The following ERI3 variants were observed in gnomAD, a reference collection of about 807,000 sequenced individuals.
The protein encoded by ERI3 is ERI1 exoribonuclease 3.
A neutral mutation model predicts 44.4 loss-of-function variants in ERI3; 18 were observed. The ratio of observed to expected loss-of-function variants is 0.41; its 90% CI spans 0.28 to 0.60. The LOEUF is 0.60. ERI3 is among the 20% of genes least tolerant of loss of function. The pLI is 0.36. For missense variants in ERI3, 294 were observed against 435.5 expected (o/e 0.68, Z 2.89); for synonymous variants, 183 against 164.8 (o/e 1.11, Z -0.84).
Position 44,355,064 on chromosome 1 carries a change from C to A in ERI3, c.-38G>T. The A allele has an allele frequency of 7.5e-7, 1 of 1,333,086 alleles. No homozygotes were observed. Among genetic ancestry groups the A allele is most frequent in the Non-Finnish European group, 9.6e-7 (1 of 1,037,392 alleles). 82.6% of individuals were successfully genotyped at this position (1,333,086 alleles called of 1,614,324 possible). A position where few individuals can be genotyped will look rare whatever the true frequency, so the allele number is the denominator to read the frequency against. ...TCCTCGGGGCCAGCGCGGCAGGCTC[C>A]CTCCAGGTGCAGGCCCCGACGTCTC... On this transcript the variant is annotated 5_prime_UTR_variant, in exon 1 of 9. Transcript: ENST00000372257.
At chr1:44,311,714 C>T (rs553828558) in intron 5 of ERI3, among the ~76,000 whole-genome samples, 10 of 152,176 alleles carry the variant, frequency 6.6e-5, no homozygotes, top group African/African-American at 2.4e-4. Flanking sequence ...TATCTTCCTC[C>T]AGGATCCCAG....
chr1:44,346,194 A>C (rs570522345), intron 2 of ERI3, among the ~76,000 whole-genome samples: 4 of 152,336 alleles, frequency 2.6e-5, no homozygotes, highest in Non-Finnish European at 5.9e-5. Flanking sequence ...TTCTGCTCCA[A>C]GGCACAGCTA....
intron 3 of ERI3, among the ~76,000 whole-genome samples, chr1:44,338,403 C>T (rs1363368761): frequency 1.3e-5 from 2 of 152,162 alleles, no homozygotes; most frequent in African/African-American, 4.8e-5. Flanking sequence ...TAAGATAGCT[C>T]ATTCTCATGA....
At chr1:44,233,605 C>T (rs1644237447) in intron 8 of ERI3, among the ~76,000 whole-genome samples, 1 of 152,108 alleles carries the variant, frequency 6.6e-6, no homozygotes, top group South Asian at 2.1e-4. Context: ...CATCCCTCCA[C>T]TCCAGCTGGG....
intron 6 of ERI3, among the ~76,000 whole-genome samples, chr1:44,287,605 T>C (rs780055718): frequency 2.6e-5 from 4 of 152,176 alleles, no homozygotes; most frequent in South Asian, 2.1e-4. Flanking sequence ...GGTATCCAGA[T>C]AGATGTGCCC....
chr1:44,337,772 C>G (rs931833544), intron 3 of ERI3, among the ~76,000 whole-genome samples: 3 of 152,154 alleles, frequency 2.0e-5, no homozygotes, highest in African/African-American at 7.2e-5. Context: ...CCTGAAAAAA[C>G]CAACCATGAC....
intron 2 of ERI3, among the ~76,000 whole-genome samples, chr1:44,347,758 T>A (rs1299799933): frequency 7.1e-6 from 1 of 141,190 alleles, no homozygotes; most frequent in Non-Finnish European, 1.5e-5. Flanking sequence ...GCAGTATAGG[T>A]GAATGTGTGC....
intron 4 of ERI3, among the ~76,000 whole-genome samples, chr1:44,319,143 A>G (rs1646148541): frequency 6.6e-6 from 1 of 152,250 alleles, no homozygotes; most frequent in Non-Finnish European, 1.5e-5. Flanking sequence ...TGCTTCACTG[A>G]GACCACTCTT....
intron 5 of ERI3, among the ~76,000 whole-genome samples, chr1:44,310,997 A>G (rs1457515404): frequency 1.3e-4 from 20 of 150,788 alleles, no homozygotes; most frequent in Middle Eastern, 6.8e-3. Flanking sequence ...ACACACACAC[A>G]CACACACACA....
intron 1 of ERI3, 26 bp downstream of exon 1, chr1:44,354,866 T>C (rs1338254902): frequency 1.5e-6 from 2 of 1,313,704 alleles, no homozygotes; most frequent in Non-Finnish European, 2.0e-6. Flanking sequence ...GGCCCAATCT[T>C]GGCGGGGCCA....
intron 7 of ERI3, among the ~76,000 whole-genome samples, chr1:44,284,555 C>T (rs1208104633): frequency 6.6e-6 from 1 of 152,116 alleles, no homozygotes; most frequent in East Asian, 1.9e-4. Flanking sequence ...GAGCAAGAGC[C>T]CCCCAAAATC....
At chr1:44,348,110 T>C (rs1646820520) in intron 2 of ERI3, among the ~76,000 whole-genome samples, 1 of 152,196 alleles carries the variant, frequency 6.6e-6, no homozygotes, top group Admixed American at 6.5e-5. Flanking sequence ...AATTAGAACA[T>C]GCTAATTAGA....
intron 2 of ERI3, among the ~76,000 whole-genome samples, chr1:44,345,538 CCCCAA>C (rs1255128688): frequency 6.6e-6 from 1 of 152,156 alleles, no homozygotes; most frequent in Admixed American, 6.5e-5. Flanking sequence ...TGGTGTAAGT[CCCCAA>C]CCCAATCTGA....
chr1:44,259,689 G>GACACACAGACACAC (rs1553185530), intron 7 of ERI3, among the ~76,000 whole-genome samples: 11 of 140,282 alleles, frequency 7.8e-5, no homozygotes, highest in African/African-American at 1.4e-4. Context: ...AAAACACACA[G>GACACACAGACACAC]ACACACACAC....
intron 7 of ERI3, among the ~76,000 whole-genome samples, chr1:44,266,427 A>G (rs1644992241): frequency 6.6e-6 from 1 of 152,204 alleles, no homozygotes; most frequent in African/African-American, 2.4e-5. Context: ...TGTTCAGTAG[A>G]CACTAAGATT....
At chr1:44,343,755 G>C (rs1434578825) in intron 2 of ERI3, among the ~76,000 whole-genome samples, 1 of 152,116 alleles carries the variant, frequency 6.6e-6, no homozygotes, top group Admixed American at 6.5e-5. Flanking sequence ...TTAATTTCCT[G>C]ATTTTGATGG....
At chr1:44,288,963 A>T (rs1645449878) in intron 6 of ERI3, among the ~76,000 whole-genome samples, 1 of 152,212 alleles carries the variant, frequency 6.6e-6, no homozygotes, top group Non-Finnish European at 1.5e-5. Context: ...GCGGGCACAA[A>T]CGTGCAGGCA....
chr1:44,317,113 ATGTGTG>A (rs1646103970), intron 4 of ERI3, among the ~76,000 whole-genome samples: 1 of 151,018 alleles, frequency 6.6e-6, no homozygotes, highest in Admixed American at 6.6e-5. Context: ...GCATGTGCCC[ATGTGTG>A]TGCACATGTC....
intron 8 of ERI3, among the ~76,000 whole-genome samples, chr1:44,239,823 G>A (rs933414890): frequency 2.0e-5 from 3 of 152,196 alleles, no homozygotes; most frequent in African/African-American, 4.8e-5. Context: ...GGAGGGAGCC[G>A]GCTGAAGGGA....
Sources: allele counts gnomAD v4.1 joint callset (sites outside exome capture counted in the v4.1 genomes callset), GRCh38; gene constraint gnomAD v4.1.1; transcripts MANE v1.5; gene names NCBI Gene and HGNC (gene_info 2026-07-23, HGNC 2026-07-21).